The following SUGCT variants were observed in gnomAD, a reference collection of about 807,000 sequenced individuals.
SUGCT encodes succinyl-CoA:glutarate-CoA transferase.
Under a neutral mutation model 55.0 loss-of-function variants are expected in SUGCT, and 41 were observed. The observed-to-expected ratio is 0.74, with a 90% CI of 0.58 to 0.97. SUGCT has a LOEUF of 0.97. Among genes scored for constraint, SUGCT ranks in the 50% least tolerant of loss-of-function variants. The pLI, the probability that SUGCT is intolerant of heterozygous loss-of-function variation, is 0.00. For synonymous variants in SUGCT, 187 were observed against 200.4 expected (o/e 0.93, Z 0.56); for missense variants, 568 against 547.8 (o/e 1.04, Z -0.37).
At chr7:40,399,606 G>A (rs1161050278) in intron 9 of SUGCT, among the ~76,000 whole-genome samples, 2 of 152,266 alleles carry the variant, frequency 1.3e-5, no homozygotes, top group East Asian at 3.9e-4. Flanking sequence ...TTTAGGAATT[G>A]TTTCTCCTTG....
At chr7:40,590,418 C>CT (rs765677636) in intron 12 of SUGCT, among the ~76,000 whole-genome samples, 1 of 152,128 alleles carries the variant, frequency 6.6e-6, no homozygotes, top group South Asian at 2.1e-4. Context: ...AAACATAGGC[C>CT]TTTTATGCCA....
At chr7:40,293,532 A>G (rs1240560626) in intron 8 of SUGCT, among the ~76,000 whole-genome samples, 2 of 152,232 alleles carry the variant, frequency 1.3e-5, no homozygotes, top group African/African-American at 2.4e-5. Context: ...TATGATGTAT[A>G]AAAGTACCAG....
intron 12 of SUGCT, among the ~76,000 whole-genome samples, chr7:40,631,157 A>G (rs1210407894): frequency 6.6e-6 from 1 of 152,114 alleles, no homozygotes; most frequent in African/African-American, 2.4e-5. Context: ...AGGAGAGAGT[A>G]TTTGTTTTCA....
At chr7:40,693,655 A>G (rs906582270) in intron 12 of SUGCT, among the ~76,000 whole-genome samples, 2 of 152,222 alleles carry the variant, frequency 1.3e-5, no homozygotes, top group African/African-American at 4.8e-5. Context: ...AGATATAATC[A>G]TGAAATAAAT....
chr7:40,912,463 T>A, the SUGCT span, among the ~76,000 whole-genome samples: 1 of 152,200 alleles, frequency 6.6e-6, no homozygotes, highest in African/African-American at 2.4e-5. Context: ...CTTTAGCAGC[T>A]GAAACTGTTG....
chr7:40,443,473 GTGA>G (rs1478627062), intron 9 of SUGCT, among the ~76,000 whole-genome samples: 1 of 152,200 alleles, frequency 6.6e-6, no homozygotes, highest in Non-Finnish European at 1.5e-5. Flanking sequence ...CTGATGGCCA[GTGA>G]TGATGAGCAT....
rs189476523 is a variant in SUGCT, at chr7:40,380,583, G to A, written c.816+63728G>A. The stretch of plus-strand genomic sequence containing the variant: ...TTTGACTTTTCTTTTGGGTTGCATC[G>A]CATCCCCTAGATTCTACTTCCATCC... On this transcript the variant is annotated intron_variant, in intron 9 of 13. Transcript: ENST00000335693. 1.1e-4 allele frequency among the ~76,000 whole-genome samples: 17 copies of A among 152,170 alleles called. No individual in the cohort carries two copies. In the East Asian group the frequency reaches 2.9e-3, roughly 26 times the overall value.
intron 9 of SUGCT, among the ~76,000 whole-genome samples, chr7:40,444,813 G>A (rs1315933062): frequency 2.0e-5 from 3 of 152,062 alleles, no homozygotes; most frequent in South Asian, 2.1e-4. Context: ...GTTTTCAAAG[G>A]GAATGCTTCC....
chr7:40,443,073 T>C (rs1322443451), intron 9 of SUGCT, among the ~76,000 whole-genome samples: 1 of 152,212 alleles, frequency 6.6e-6, no homozygotes, highest in African/African-American at 2.4e-5. Context: ...TATGGCTGCA[T>C]AGTATTCCAT....
At chr7:40,436,670 A>T (rs530465971) in intron 9 of SUGCT, among the ~76,000 whole-genome samples, 221 of 152,266 alleles carry the variant, frequency 1.5e-3, no homozygotes, top group African/African-American at 5.1e-3. Context: ...AACTGTGATT[A>T]TTGTAACATG....
intron 12 of SUGCT, among the ~76,000 whole-genome samples, chr7:40,605,856 G>T (rs1373740955): frequency 6.6e-6 from 1 of 152,228 alleles, no homozygotes. Flanking sequence ...GATGGTAGAA[G>T]AAATGGTGTG....
At chr7:40,969,522 T>A in the SUGCT span, among the ~76,000 whole-genome samples, 2 of 151,842 alleles carry the variant, frequency 1.3e-5, no homozygotes, top group East Asian at 3.9e-4. Flanking sequence ...GCTATTTTAT[T>A]TTTTTTTAAT....
chr7:40,796,034 C>G (rs1790536520), intron 13 of SUGCT, among the ~76,000 whole-genome samples: 2 of 152,054 alleles, frequency 1.3e-5, no homozygotes, highest in African/African-American at 4.8e-5. Flanking sequence ...TCTTTTTAAA[C>G]ACTCTCAATT....
In SUGCT at chr7:40,405,562, C is replaced by T. The variant is rs187731740; in HGVS notation, c.817-43725C>T. ...GTGGTGGCTTATGCCTTTATCCCAG[C>T]ACTTTGGGAGGCCAAGGCAGGTGGA... On this transcript the variant is annotated intron_variant, in intron 9 of 13. Coordinates refer to ENST00000335693, the MANE Select transcript of SUGCT (RefSeq NM_001193313.2). Among the ~76,000 whole-genome samples the T allele has an allele frequency of 2.0e-5, 3 of 152,172 alleles. No homozygotes were observed. In the East Asian group the frequency reaches 5.8e-4, roughly 29 times the overall value.
chr7:40,954,496 T>G, the SUGCT span, among the ~76,000 whole-genome samples: 12 of 152,182 alleles, frequency 7.9e-5, no homozygotes, highest in African/African-American at 2.9e-4. Context: ...TGAGATGAAC[T>G]GGGTACCTCA....
At chr7:40,620,482 A>T (rs1434818953) in intron 12 of SUGCT, among the ~76,000 whole-genome samples, 1 of 151,508 alleles carries the variant, frequency 6.6e-6, no homozygotes, top group Non-Finnish European at 1.5e-5. Flanking sequence ...GCTCACTGCA[A>T]CCTCTGCCTC....
chr7:40,822,134 T>A (rs1286281147), intron 13 of SUGCT, among the ~76,000 whole-genome samples: 1 of 152,202 alleles, frequency 6.6e-6, no homozygotes, highest in Non-Finnish European at 1.5e-5. Context: ...AGAGACAGTT[T>A]GTTATAATTT....
chr7:40,769,998 G>C (rs1789009693), intron 13 of SUGCT, among the ~76,000 whole-genome samples: 1 of 151,392 alleles, frequency 6.6e-6, no homozygotes, highest in Admixed American at 6.6e-5. Context: ...ATTTAAATAT[G>C]CATTTGATTT....
At chr7:40,989,820 T>G in the SUGCT span, among the ~76,000 whole-genome samples, 2 of 152,026 alleles carry the variant, frequency 1.3e-5, no homozygotes, top group African/African-American at 2.4e-5. Context: ...TCGCTCAAGT[T>G]TTATTATGAG....
Sources: gnomAD v4.1 joint callset for allele counts (sites outside exome capture counted in the v4.1 genomes callset) on GRCh38, gnomAD v4.1.1 for gene constraint, MANE v1.5 for transcripts, NCBI Gene and HGNC (gene_info 2026-07-23, HGNC 2026-07-21) for gene names.